SPOCK1: variants seen among roughly 807,000 people sequenced by gnomAD.
SPOCK1 encodes SPARC (osteonectin), cwcv and kazal like domains proteoglycan 1.
In SPOCK1, 23 loss-of-function variants were observed where a neutral mutation model predicts 55.3. The observed-to-expected ratio is 0.42, with a 90% CI of 0.30 to 0.59. SPOCK1 has a LOEUF of 0.59. SPOCK1 is among the 20% of genes least tolerant of loss of function. The probability of loss-of-function intolerance (pLI) is 0.22; values close to 1 mark genes in which losing one functional copy is unlikely to be tolerated. For missense variants in SPOCK1, 499 were observed against 552.5 expected, an observed-to-expected ratio of 0.90 and a Z score of 0.97; for synonymous variants, 226 against 221.0, an observed-to-expected ratio of 1.02 and a Z score of -0.20.
intron 3 of SPOCK1, among the ~76,000 whole-genome samples, chr5:137,207,026 G>A (rs1561471520): frequency 6.6e-6 from 1 of 152,228 alleles, no homozygotes; most frequent in Non-Finnish European, 1.5e-5. Context: ...AGTAAGGCAT[G>A]CTTGCCCCTG....
intron 3 of SPOCK1, among the ~76,000 whole-genome samples, chr5:137,229,547 G>A (rs1237791273): frequency 6.6e-6 from 1 of 152,296 alleles, no homozygotes; most frequent in Non-Finnish European, 1.5e-5. Flanking sequence ...CTGCTAGAAA[G>A]GTGGATGGCT....
At chr5:137,394,262 T>C (rs1751793409) in intron 2 of SPOCK1, among the ~76,000 whole-genome samples, 1 of 152,240 alleles carries the variant, frequency 6.6e-6, no homozygotes, top group Admixed American at 6.5e-5. Flanking sequence ...CGGTAGACTG[T>C]AAAACTCTTT....
At chr5:137,489,673 C>G (rs961157607) in intron 2 of SPOCK1, among the ~76,000 whole-genome samples, 2 of 152,196 alleles carry the variant, frequency 1.3e-5, no homozygotes, top group Non-Finnish European at 2.9e-5. Context: ...ATTCCCCTGC[C>G]CCCAAATGTG....
chr5:137,410,789 C>T (rs1752194349), intron 2 of SPOCK1, among the ~76,000 whole-genome samples: 1 of 152,206 alleles, frequency 6.6e-6, no homozygotes, highest in African/African-American at 2.4e-5. Context: ...AGAGACATCC[C>T]ATGCACAAAG....
Position 137,013,822 on chromosome 5 carries a change from C to T in SPOCK1, c.590-21222G>A, listed in dbSNP as rs1231068619. 2.0e-5 allele frequency among the ~76,000 whole-genome samples: 3 copies of T among 152,168 alleles called. No homozygotes were observed. In the East Asian group the frequency reaches 5.8e-4, roughly 29 times the overall value. On this transcript the variant is annotated intron_variant, in intron 6 of 10. Coordinates refer to ENST00000394945, the MANE Select transcript of SPOCK1 (RefSeq NM_004598.4). ...ACACTTCTCTTTTTCACTGCATCTA[C>T]TGCTAATATTGCTAAGAGTGTTATA...
chr5:137,284,692 G>C (rs553950476), intron 2 of SPOCK1, among the ~76,000 whole-genome samples: 1 of 152,174 alleles, frequency 6.6e-6, no homozygotes, highest in Non-Finnish European at 1.5e-5. Context: ...GTTGTGGAGT[G>C]TGTGAGGTAA....
intron 2 of SPOCK1, among the ~76,000 whole-genome samples, chr5:137,321,298 C>T (rs914713138): frequency 2.0e-5 from 3 of 149,970 alleles, no homozygotes; most frequent in Non-Finnish European, 4.4e-5. Context: ...GAAAGACAGA[C>T]AAAGGGGCAG....
intron 2 of SPOCK1, among the ~76,000 whole-genome samples, chr5:137,430,360 T>C (rs1012873589): frequency 6.6e-6 from 1 of 152,340 alleles, no homozygotes; most frequent in East Asian, 1.9e-4. Flanking sequence ...CACAGACAGC[T>C]TCTTCCTTCA....
intron 6 of SPOCK1, among the ~76,000 whole-genome samples, chr5:137,027,013 C>A (rs1387682365): frequency 6.6e-6 from 1 of 152,148 alleles, no homozygotes; most frequent in Non-Finnish European, 1.5e-5. Context: ...AATCTTCATT[C>A]TAAAATAATT....
intron 3 of SPOCK1, among the ~76,000 whole-genome samples, chr5:137,203,975 T>C (rs1580806057): frequency 6.6e-6 from 1 of 152,208 alleles, no homozygotes; most frequent in South Asian, 2.1e-4. Flanking sequence ...ACGTGGAATG[T>C]TGGCAACACA....
intron 3 of SPOCK1, among the ~76,000 whole-genome samples, chr5:137,215,691 G>A (rs1382314840): frequency 6.6e-6 from 1 of 152,136 alleles, no homozygotes; most frequent in Non-Finnish European, 1.5e-5. Context: ...CAGCAATAGG[G>A]TTCATGTTCC....
At chr5:137,385,090 T>G (rs982997160) in intron 2 of SPOCK1, among the ~76,000 whole-genome samples, 7 of 152,188 alleles carry the variant, frequency 4.6e-5, no homozygotes, top group Non-Finnish European at 8.8e-5. Flanking sequence ...AAACATTACA[T>G]GTTGCTTTTA....
intron 2 of SPOCK1, among the ~76,000 whole-genome samples, chr5:137,378,712 A>G (rs1270878809): frequency 1.3e-5 from 2 of 152,230 alleles, no homozygotes; most frequent in African/African-American, 4.8e-5. Context: ...GGCCTAAACT[A>G]GCCAGACCAG....
chr5:137,362,042 G>A (rs537769111), intron 2 of SPOCK1, among the ~76,000 whole-genome samples: 97 of 152,242 alleles, frequency 6.4e-4, no homozygotes, highest in African/African-American at 2.3e-3. Context: ...ACCTTTTGAG[G>A]ACAGATCCAA....
intron 2 of SPOCK1, among the ~76,000 whole-genome samples, chr5:137,417,154 G>C (rs1262039864): frequency 6.6e-6 from 1 of 151,762 alleles, no homozygotes; most frequent in Non-Finnish European, 1.5e-5. Flanking sequence ...TCTTAATGGG[G>C]ACTTTCTAAG....
intron 2 of SPOCK1, among the ~76,000 whole-genome samples, chr5:137,459,911 T>C (rs1232466941): frequency 6.6e-6 from 1 of 151,984 alleles, no homozygotes; most frequent in Non-Finnish European, 1.5e-5. Context: ...AGTGCTAGGA[T>C]AATGGAAAAG....
intron 6 of SPOCK1, among the ~76,000 whole-genome samples, chr5:137,062,897 T>G (rs1287895470): frequency 6.6e-6 from 1 of 152,152 alleles, no homozygotes; most frequent in East Asian, 1.9e-4. Flanking sequence ...GATAAGGCAA[T>G]GAAGTCACCT....
At chr5:137,452,318 T>C (rs1753271307) in intron 2 of SPOCK1, among the ~76,000 whole-genome samples, 1 of 152,236 alleles carries the variant, frequency 6.6e-6, no homozygotes, top group South Asian at 2.1e-4. Context: ...ATACCAATTC[T>C]GCTGGCTTGT....
chr5:137,086,820 A>G (rs985132805), intron 5 of SPOCK1, among the ~76,000 whole-genome samples: 13 of 152,194 alleles, frequency 8.5e-5, no homozygotes, highest in African/African-American at 3.1e-4. Flanking sequence ...TTAGCTTTCT[A>G]CTACACCTTA....
Sources: allele counts gnomAD v4.1 joint callset (sites outside exome capture counted in the v4.1 genomes callset), GRCh38; gene constraint gnomAD v4.1.1; transcripts MANE v1.5; gene names NCBI Gene and HGNC (gene_info 2026-07-23, HGNC 2026-07-21).